ANKS1B: variants seen among roughly 807,000 people sequenced by gnomAD.
ANKS1B encodes ankyrin repeat and sterile alpha motif domain containing 1B, also known as ankyrin repeat and sterile alpha motif domain-containing protein 1B.
In ANKS1B, 36 loss-of-function variants were observed where a neutral mutation model predicts 148.3. The observed-to-expected ratio is 0.24, with a 90% CI of 0.19 to 0.32. The LOEUF (loss-of-function observed/expected upper bound fraction) is 0.32, where lower values mean the gene tolerates loss of function less well. Among genes scored for constraint, ANKS1B ranks in the 10% least tolerant of loss-of-function variants. The probability of loss-of-function intolerance (pLI) is 1.00; values close to 1 mark genes in which losing one functional copy is unlikely to be tolerated. For missense variants in ANKS1B, 1,157 were observed against 1,542.6 expected (o/e 0.75, Z 4.19); for synonymous variants, 542 against 560.8 (o/e 0.97, Z 0.47).
chr12:99,071,399 G>T lies in ANKS1B; in HGVS notation c.2625+13526C>A, dbSNP rs547641635. ...TTGTATGGTAAAGGCAGGTGACAAT[G>T]CCTTATTCAAAATGGCGAATATGCT... is the stretch of plus-strand genomic sequence containing the variant. On this transcript the variant is annotated intron_variant, in intron 16 of 26. Transcript: ENST00000683438. Among the ~76,000 whole-genome samples the T allele has an allele frequency of 2.6e-5, 4 of 152,322 alleles. No homozygotes were observed. The South Asian group carries it at 8.3e-4, about 32-fold the overall frequency.
At chr12:99,292,204 T>C (rs922973469) in intron 12 of ANKS1B, among the ~76,000 whole-genome samples, 1 of 151,644 alleles carries the variant, frequency 6.6e-6, no homozygotes, top group African/African-American at 2.4e-5. Flanking sequence ...GAAACTACCA[T>C]CAGATTGGCT....
intron 2 of ANKS1B, among the ~76,000 whole-genome samples, chr12:99,824,874 C>T (rs962047209): frequency 6.6e-6 from 1 of 152,146 alleles, no homozygotes; most frequent in Non-Finnish European, 1.5e-5. Flanking sequence ...AATAAGGATT[C>T]TGAAGTGGTT....
chr12:99,933,711 C>A (rs1031983237), intron 1 of ANKS1B, among the ~76,000 whole-genome samples: 3 of 152,078 alleles, frequency 2.0e-5, no homozygotes, highest in African/African-American at 7.2e-5. Context: ...TTCTTCCTTT[C>A]CATTTTGGAT....
rs113075241 is a variant in ANKS1B, at chr12:98,879,317, G to C, written c.2779-47181C>G. ...GTCTTCAGAATAACTGTGCAAGGTA[G>C]ATATCATCACCATTTTACAGATGAG... On this transcript the variant is annotated intron_variant, in intron 17 of 26. Transcript: ENST00000683438. Among the ~76,000 whole-genome samples, 326 of 152,306 alleles carry C rather than the reference G, an allele frequency of 2.1e-3. 1 individual carries two copies. The highest frequency in any genetic ancestry group is 7.5e-3 in the African/African-American group (312 of 41,564).
chr12:99,873,570 A>G (rs2091763711), intron 1 of ANKS1B, among the ~76,000 whole-genome samples: 1 of 152,130 alleles, frequency 6.6e-6, no homozygotes, highest in Non-Finnish European at 1.5e-5. Context: ...TTTTATTCTG[A>G]GTCTTCTCTT....
chr12:99,425,963 G>A (rs2095245534), intron 11 of ANKS1B, among the ~76,000 whole-genome samples: 1 of 151,978 alleles, frequency 6.6e-6, no homozygotes, highest in South Asian at 2.1e-4. Flanking sequence ...CAACTTTTGT[G>A]TTAAGTAAAT....
intron 1 of ANKS1B, among the ~76,000 whole-genome samples, chr12:99,903,141 TA>T (rs2093659912): frequency 6.6e-6 from 1 of 152,180 alleles, no homozygotes; most frequent in Admixed American, 6.5e-5. Context: ...TGTTAGCTAT[TA>T]TTCATGTTTT....
At chr12:99,551,549 G>C (rs1037762428) in intron 9 of ANKS1B, among the ~76,000 whole-genome samples, 2 of 137,914 alleles carry the variant, frequency 1.5e-5, no homozygotes, top group African/African-American at 5.3e-5. Context: ...GGAGGGGAGG[G>C]GAGGGGAGGG....
intron 24 of ANKS1B, among the ~76,000 whole-genome samples, chr12:98,776,009 C>A (rs2098669668): frequency 6.6e-6 from 1 of 152,232 alleles, no homozygotes; most frequent in Non-Finnish European, 1.5e-5. Flanking sequence ...GTATTGATAG[C>A]CTGCGGAGGC....
chr12:99,070,038 G>A (rs1040216474), intron 16 of ANKS1B, among the ~76,000 whole-genome samples: 1 of 152,214 alleles, frequency 6.6e-6, no homozygotes, highest in African/African-American at 2.4e-5. Flanking sequence ...AGATTTAAAT[G>A]TGTTAATTTA....
chr12:98,743,004 T>C (rs1489228857), downstream of ANKS1B, among the ~76,000 whole-genome samples: 1 of 152,246 alleles, frequency 6.6e-6, no homozygotes, highest in Non-Finnish European at 1.5e-5. Context: ...GAAAGTTATT[T>C]TTTTTAAAAA....
chr12:99,895,686 G>C (rs1415223891), intron 1 of ANKS1B, among the ~76,000 whole-genome samples: 1 of 150,858 alleles, frequency 6.6e-6, no homozygotes, highest in Admixed American at 6.6e-5. Flanking sequence ...AACAGAAATA[G>C]ATCCACATGA....
chr12:99,001,138 G>T (rs964279281), intron 17 of ANKS1B, among the ~76,000 whole-genome samples: 1 of 151,756 alleles, frequency 6.6e-6, no homozygotes, highest in Non-Finnish European at 1.5e-5. Flanking sequence ...TTAGTTTTTT[G>T]TGTTTATTTT....
At chr12:99,685,349 A>C (rs1224937353) in intron 8 of ANKS1B, among the ~76,000 whole-genome samples, 1 of 152,206 alleles carries the variant, frequency 6.6e-6, no homozygotes, top group Admixed American at 6.5e-5. Context: ...ATCACTAATG[A>C]TCAGGGAAAT....
chr12:99,898,681 A>G (rs1476662602), intron 1 of ANKS1B, among the ~76,000 whole-genome samples: 1 of 152,202 alleles, frequency 6.6e-6, no homozygotes, highest in Non-Finnish European at 1.5e-5. Context: ...CGATGAAGAA[A>G]GCAAAGATTG....
chr12:99,170,402 T>C (rs558463161), intron 14 of ANKS1B, among the ~76,000 whole-genome samples: 1 of 152,250 alleles, frequency 6.6e-6, no homozygotes, highest in Admixed American at 6.5e-5. Context: ...AATAGACTTG[T>C]TTCTGGGGGC....
chr12:99,368,336 A>G (rs2092900402), intron 12 of ANKS1B, among the ~76,000 whole-genome samples: 1 of 152,194 alleles, frequency 6.6e-6, no homozygotes, highest in Non-Finnish European at 1.5e-5. Context: ...TATGCAATAT[A>G]GCCATGTAAC....
chr12:99,285,493 C>T (rs548432609), intron 12 of ANKS1B, among the ~76,000 whole-genome samples: 15 of 152,158 alleles, frequency 9.9e-5, no homozygotes, highest in African/African-American at 2.9e-4. Flanking sequence ...TATAAATGAC[C>T]GAGTCTAGAG....
intron 16 of ANKS1B, among the ~76,000 whole-genome samples, chr12:99,073,679 A>G (rs916528741): frequency 1.3e-5 from 2 of 152,198 alleles, no homozygotes; most frequent in African/African-American, 4.8e-5. Context: ...TCAGTGGTCC[A>G]TGGAGGCTGC....
Sources: gnomAD v4.1 joint callset for allele counts (sites outside exome capture counted in the v4.1 genomes callset) on GRCh38, gnomAD v4.1.1 for gene constraint, MANE v1.5 for transcripts, NCBI Gene and HGNC (gene_info 2026-07-23, HGNC 2026-07-21) for gene names.